CCDC60: variants seen among roughly 807,000 people sequenced by gnomAD.
The protein encoded by CCDC60 is coiled-coil domain-containing protein 60.
A neutral mutation model predicts 63.5 loss-of-function variants in CCDC60; 54 were observed. That is an observed-to-expected ratio of 0.85 (90% CI 0.68 to 1.07). CCDC60 has a LOEUF of 1.07. Ranked by LOEUF, CCDC60 falls within the 50% of genes least tolerant of loss-of-function variation. The pLI is 0.00. For missense variants in CCDC60, 651 were observed against 684.3 expected (o/e 0.95, Z 0.54); for synonymous variants, 206 against 238.8 (o/e 0.86, Z 1.27).
chr12:119,485,573 G>A (rs1951419994), intron 4 of CCDC60, among the ~76,000 whole-genome samples: 2 of 152,116 alleles, frequency 1.3e-5, no homozygotes, highest in Admixed American at 1.3e-4. Flanking sequence ...TCTTCTCTGT[G>A]TCCTCATATG....
chr12:119,428,712 G>A lies in CCDC60; in HGVS notation c.120G>A (p.Lys40=). The stretch of plus-strand genomic sequence containing the variant: ...CAGACAAGCCAATGAAGAGCATCAA[G>A]TATATGGACAAGGAAATAATAAACC... The part of the protein sequence containing the change: ...QVPDKPMKSI[K]YMDKEIINLK... The change falls in exon 2 of 14, where the codon AAG becomes AAA. Residue 40 remains lysine, a synonymous_variant. Transcript: ENST00000327554. 2.5e-6 allele frequency: 4 copies of A among 1,607,688 alleles called. No homozygotes were observed. Among genetic ancestry groups the A allele is most frequent in the Non-Finnish European group, 3.4e-6 (4 of 1,176,114 alleles).
chr12:119,400,047 CT>C lies in CCDC60; in HGVS notation c.91-28616del, dbSNP rs550702095. 2.4e-3 allele frequency among the ~76,000 whole-genome samples: 321 copies of C among 131,786 alleles called. 1 individual carries two copies. Among genetic ancestry groups the C allele is most frequent in the Middle Eastern group, 4.7e-3 (1 of 214 alleles). The allele number at this position is 131,786 out of a possible 152,430, so 86.5% of individuals were successfully genotyped here. A position where few individuals can be genotyped will look rare whatever the true frequency, so the allele number is the denominator to read the frequency against. On this transcript the variant is annotated intron_variant, in intron 1 of 13. Transcript: ENST00000327554. ...ATAAATTAGCCTACAGGTTGGTTTC[CT>C]TTTTTTTTTTTTTTTTTTTGAGACG... is the stretch of plus-strand genomic sequence containing the variant.
intron 4 of CCDC60, chr12:119,479,535 GT>G: frequency 4.3e-6 from 1 of 231,916 alleles, no homozygotes; most frequent in Non-Finnish European, 8.5e-6. Flanking sequence ...TCAGGGGCAT[GT>G]TTTCCCCAAG....
chr12:119,447,135 C>A (rs377496004), intron 2 of CCDC60, among the ~76,000 whole-genome samples: 1 of 152,194 alleles, frequency 6.6e-6, no homozygotes, highest in Non-Finnish European at 1.5e-5. Context: ...AGAGGTTTTA[C>A]ATCTGCTGGG....
At chr12:119,340,100 TA>T (rs143076676) in intron 1 of CCDC60, among the ~76,000 whole-genome samples, 2,672 of 152,252 alleles carry the variant, frequency 0.018, 83 homozygotes, top group African/African-American at 0.061. Context: ...CTTGTGCTGC[TA>T]AAAAAGAAAA....
At chr12:119,519,830 G>T (rs1043372536) in intron 8 of CCDC60, among the ~76,000 whole-genome samples, 11 of 149,442 alleles carry the variant, frequency 7.4e-5, no homozygotes, top group African/African-American at 2.7e-4. Flanking sequence ...TGTATGGTGG[G>T]GAATTTTAGG....
chr12:119,496,522 T>C (rs1951718931), intron 5 of CCDC60, among the ~76,000 whole-genome samples: 1 of 152,206 alleles, frequency 6.6e-6, no homozygotes. Flanking sequence ...TTGTCTACCA[T>C]CAGCTCCTCC....
intron 1 of CCDC60, among the ~76,000 whole-genome samples, chr12:119,350,559 C>T (rs1224828209): frequency 6.6e-6 from 1 of 152,062 alleles, no homozygotes; most frequent in Non-Finnish European, 1.5e-5. Context: ...ACTGTATTGG[C>T]TGGAAAAGAA....
At chr12:119,423,442 C>A (rs1184719955) in intron 1 of CCDC60, among the ~76,000 whole-genome samples, 1 of 152,204 alleles carries the variant, frequency 6.6e-6, no homozygotes, top group Non-Finnish European at 1.5e-5. Flanking sequence ...TCCTTGCAAA[C>A]TACATTTCCC....
chr12:119,518,661 A>G (rs1187205924), intron 8 of CCDC60, among the ~76,000 whole-genome samples: 16 of 152,164 alleles, frequency 1.1e-4, no homozygotes, highest in Non-Finnish European at 2.4e-4. Context: ...TTTATTTAAC[A>G]TATTAGCATG....
chr12:119,514,056 C>T (rs1227270912), intron 7 of CCDC60, among the ~76,000 whole-genome samples: 3 of 152,182 alleles, frequency 2.0e-5, no homozygotes, highest in Non-Finnish European at 4.4e-5. Context: ...TTACTTGTTA[C>T]TGCCTCTGAA....
chr12:119,431,486 T>G (rs1950227462), intron 2 of CCDC60, among the ~76,000 whole-genome samples: 1 of 152,200 alleles, frequency 6.6e-6, no homozygotes, highest in African/African-American at 2.4e-5. Context: ...AGCACTGATC[T>G]TAGAAGCGGT....
chr12:119,487,597 T>C (rs1160106893), intron 4 of CCDC60, among the ~76,000 whole-genome samples: 1 of 151,902 alleles, frequency 6.6e-6, no homozygotes, highest in East Asian at 2.0e-4. Flanking sequence ...GTGCCTGGCC[T>C]CGTTGTGAGC....
chr12:119,385,512 T>C (rs1288511343), intron 1 of CCDC60, among the ~76,000 whole-genome samples: 1 of 152,244 alleles, frequency 6.6e-6, no homozygotes, highest in Non-Finnish European at 1.5e-5. Context: ...TCGCATTCTT[T>C]CTTGCCTGCT....
chr12:119,412,766 C>G (rs986052100), intron 1 of CCDC60, among the ~76,000 whole-genome samples: 16 of 118,852 alleles, frequency 1.3e-4, no homozygotes, highest in African/African-American at 5.0e-4. Flanking sequence ...GCCCCCCACC[C>G]CCCCCCACCC....
In CCDC60 at chr12:119,410,542, A is replaced by G. The variant is rs952472262; in HGVS notation, c.91-18141A>G. ...TCTCTCCTGCCTCGTGACATCAGGA[A>G]AACCTTCATCACCACACCCCAATAC... On this transcript the variant is annotated intron_variant, in intron 1 of 13. Coordinates refer to ENST00000327554, the MANE Select transcript of CCDC60 (RefSeq NM_178499.5). This position sits in a 1 kb window ranked among gnomAD's most constrained non-coding sequence, Gnocchi z 4.0. Among the ~76,000 whole-genome samples the G allele has an allele frequency of 3.3e-5, 5 of 151,844 alleles. No homozygotes were observed. The highest frequency in any genetic ancestry group is 7.4e-5 in the Non-Finnish European group (5 of 67,988).
At chr12:119,480,215 C>G (rs1468737819) in intron 4 of CCDC60, among the ~76,000 whole-genome samples, 1 of 152,194 alleles carries the variant, frequency 6.6e-6, no homozygotes, top group Non-Finnish European at 1.5e-5. Flanking sequence ...ACTCAGTCCT[C>G]TCAGCCTCCC....
At chr12:119,341,811 T>C (rs996346029) in intron 1 of CCDC60, among the ~76,000 whole-genome samples, 2 of 152,158 alleles carry the variant, frequency 1.3e-5, no homozygotes, top group African/African-American at 4.8e-5. Context: ...GGTCCAAAGA[T>C]ATTTTTAGAG....
intron 5 of CCDC60, among the ~76,000 whole-genome samples, chr12:119,493,832 G>GT (rs34382641): frequency 0.024 from 3,677 of 151,784 alleles, 157 homozygotes; most frequent in African/African-American, 0.085. Flanking sequence ...AATTCTGAGG[G>GT]TTTTTTTTGT....
Sources: allele counts gnomAD v4.1 joint callset (sites outside exome capture counted in the v4.1 genomes callset), GRCh38; gene constraint gnomAD v4.1.1; non-coding constraint Gnocchi (gnomAD v3.1); transcripts MANE v1.5; gene names NCBI Gene and HGNC (gene_info 2026-07-23, HGNC 2026-07-21).